Variants in VXN observed in about 807,000 individuals in gnomAD.
VXN encodes uncharacterized protein C8orf46.
A neutral mutation model predicts 23.1 loss-of-function variants in VXN; 7 were observed. That is an observed-to-expected ratio of 0.30 (90% CI 0.17 to 0.57). VXN has a LOEUF of 0.57. VXN is among the 20% of genes least tolerant of loss of function. The pLI is 0.91. For synonymous variants in VXN, 120 were observed against 105.8 expected, an observed-to-expected ratio of 1.13 and a Z score of -0.83; for missense variants, 238 against 272.6, an observed-to-expected ratio of 0.87 and a Z score of 0.89.
intron 5 of VXN, 135 bp from the exon 6 acceptor site, chr8:66,515,758 C>A (rs1807880196): frequency 6.7e-6 from 5 of 741,274 alleles, no homozygotes; most frequent in East Asian, 2.8e-5. Flanking sequence ...CCAACAGTGA[C>A]CTTACAGCTA....
intron 2 of VXN, chr8:66,501,255 A>G (rs1807689032): frequency 6.6e-6 from 1 of 152,162 alleles, no homozygotes; most frequent in South Asian, 2.1e-4. Context: ...CACAGTGGCC[A>G]TGCTAATCTT....
rs1563510201 is a variant in VXN, at chr8:66,515,150, C to CA, written c.441-743_441-742insA. ...AGCTGTTGCTGGCTGCTGGTGTAAA[C>CA]CAGCAAAAATTTCACTGTGCCATGA... On this transcript the variant is annotated intron_variant, in intron 5 of 5. Coordinates refer to ENST00000305454, the MANE Select transcript of VXN (RefSeq NM_152765.4). Among the ~76,000 whole-genome samples the CA allele has an allele frequency of 6.6e-5, 10 of 152,310 alleles. 1 individual carries two copies. In the East Asian group the frequency reaches 1.9e-3, roughly 29 times the overall value.
chr8:66,505,437 C>T lies in VXN; in HGVS notation c.189C>T (p.Asp63=). 11 of 1,576,752 alleles carry T rather than the reference C, an allele frequency of 7.0e-6. No individual in the cohort carries two copies. The highest frequency in any genetic ancestry group is 1.3e-5 in the African/African-American group (1 of 74,552). Reference sequence around the variant, plus strand: ...TGGAGCTGCTGCCCCACCGCGGAGACCGCAGGGACCCTGGCGACCGCCGCA... The same window carrying T: ...TGGAGCTGCTGCCCCACCGCGGAGATCGCAGGGACCCTGGCGACCGCCGCA... ...QPLELLPHRG[D]RRDPGDRRRF... Residue 63 remains aspartate (D), a synonymous_variant, in exon 3 of 6, where the codon GAC becomes GAT. Transcript: ENST00000305454.
chr8:66,512,221 G>A (rs1266017230), intron 4 of VXN, among the ~76,000 whole-genome samples: 2 of 152,202 alleles, frequency 1.3e-5, no homozygotes, highest in African/African-American at 4.8e-5. Flanking sequence ...CTAAATCCAA[G>A]TCCGTGCAAA....
chr8:66,509,075 G>T (rs1028346241), intron 3 of VXN, among the ~76,000 whole-genome samples: 1 of 152,220 alleles, frequency 6.6e-6, no homozygotes, highest in Non-Finnish European at 1.5e-5. Context: ...AGTGCCTGGC[G>T]TACAGACAAA....
At chr8:66,503,068 G>A (rs570559339) in intron 2 of VXN, among the ~76,000 whole-genome samples, 1 of 152,172 alleles carries the variant, frequency 6.6e-6, no homozygotes, top group East Asian at 1.9e-4. Flanking sequence ...GGCTGGTCTT[G>A]AACTCCTGGG....
intron 1 of VXN, among the ~76,000 whole-genome samples, chr8:66,494,387 C>T (rs1031930193): frequency 1.3e-5 from 2 of 152,158 alleles, no homozygotes; most frequent in South Asian, 2.1e-4. Flanking sequence ...GTCCCCTCAG[C>T]CTCTCCTAAG....
Position 66,514,650 on chromosome 8 carries a change from A to T in VXN, c.440+1013A>T, listed in dbSNP as rs554720877. Among the ~76,000 whole-genome samples, 171 of 152,228 alleles carry T rather than the reference A, an allele frequency of 1.1e-3. 1 individual carries two copies. Among genetic ancestry groups the T allele is most frequent in the African/African-American group, 4.0e-3 (165 of 41,546 alleles). On this transcript the variant is annotated intron_variant, in intron 5 of 5. Transcript: ENST00000305454. Reference sequence around the variant, plus strand: ...TTGCCATGTTGGACAGGCTGGTCTCAAACTCCTGACCTCAAGTGATCCCCC... The same window carrying T: ...TTGCCATGTTGGACAGGCTGGTCTCTAACTCCTGACCTCAAGTGATCCCCC...
chr8:66,512,351 C>G (rs16932942), intron 4 of VXN, among the ~76,000 whole-genome samples: 6,463 of 152,262 alleles, frequency 0.042, 259 homozygotes, highest in East Asian at 0.16. Context: ...GAAGCGTTTG[C>G]ACGGACCACA....
rs1431567705 is a variant in VXN, at chr8:66,505,411, C to A, written c.163C>A (p.Leu55Met). The stretch of plus-strand genomic sequence containing the variant: ...GTCGGACCTGTACACGCACCAGCCC[C>A]TGGAGCTGCTGCCCCACCGCGGAGA... ...IESDLYTHQPLELLPHRGDRR... is the reference protein window; with the variant it reads ...IESDLYTHQPMELLPHRGDRR... The change falls in exon 3 of 6, where the codon CTG becomes ATG. Residue 55 changes from leucine (L) to methionine (M), a missense_variant. Physicochemically the swap from Leu to Met is conservative, Grantham distance 15. This residue lies in a region of VXN where 223 missense variants were observed against 236.9 expected (regional missense o/e 0.94). Coordinates refer to ENST00000305454, the MANE Select transcript of VXN (RefSeq NM_152765.4). 3.2e-6 allele frequency: 5 copies of A among 1,580,802 alleles called. No individual in the cohort carries two copies. The highest frequency in any genetic ancestry group is 4.3e-6 in the Non-Finnish European group (5 of 1,164,124).
At chr8:66,502,416 G>A (rs772286841) in intron 2 of VXN, among the ~76,000 whole-genome samples, 6 of 152,196 alleles carry the variant, frequency 3.9e-5, no homozygotes, top group African/African-American at 9.7e-5. Context: ...TTTCAAGCTT[G>A]TAAGGAGGAA....
rs1330442154 is a variant in VXN, at chr8:66,493,702, C to A, written c.54C>A (p.Thr18=). The A allele has an allele frequency of 6.2e-7, 1 of 1,613,010 alleles. No individual in the cohort carries two copies. The highest frequency in any genetic ancestry group is 8.5e-7 in the Non-Finnish European group (1 of 1,179,698). ...CSDENIEVFT[T]VIPSKVSSPA... is the part of the protein sequence containing the mutation. The stretch of plus-strand genomic sequence containing the variant: ...ACGAGAACATAGAAGTTTTCACCAC[C>A]GTGATTCCTTCCAAGGGTGAGTGAA... Residue 18 remains threonine, a synonymous_variant, in exon 1 of 6, where the codon ACC becomes ACA. Coordinates refer to ENST00000305454, the MANE Select transcript of VXN (RefSeq NM_152765.4).
At chr8:66,505,648 GA>G in intron 3 of VXN, 120 bp downstream of exon 3, 1 of 1,241,504 alleles carries the variant, frequency 8.1e-7, no homozygotes, top group South Asian at 1.8e-5. Flanking sequence ...CGCGCCAGGT[GA>G]CCAAGCACCT....
At position 66,515,976 on chromosome 8, in the gene VXN, C is replaced by T. The variant is rs777769380; in HGVS notation, c.524C>T (p.Ala175Val). 2 of 1,613,934 alleles carry T rather than the reference C, an allele frequency of 1.2e-6. No individual in the cohort carries two copies. The highest frequency in any genetic ancestry group is 2.2e-5 in the South Asian group (2 of 91,072). Residue 175 changes from alanine to valine, a missense_variant, in exon 6 of 6, where the codon GCT becomes GTT. Ala to Val is a moderately conservative substitution (Grantham distance 64). Coordinates refer to ENST00000305454, the MANE Select transcript of VXN (RefSeq NM_152765.4). ...AEASLPLTGS[A>V]SCGVPGILRK... ...GCCTCTCTACCACTGACAGGCAGTGCTTCCTGCGGCGTCCCCGGCATCCTC... is the reference window on the plus strand; with the variant it reads ...GCCTCTCTACCACTGACAGGCAGTGTTTCCTGCGGCGTCCCCGGCATCCTC...
rs1807836182 is a variant in VXN, at chr8:66,512,492, G to A, written c.343-1048G>A. 2.0e-5 allele frequency among the ~76,000 whole-genome samples: 3 copies of A among 152,274 alleles called. No individual in the cohort carries two copies. The South Asian group carries it at 6.2e-4, about 32-fold the overall frequency. On this transcript the variant is annotated intron_variant, in intron 4 of 5. Coordinates refer to ENST00000305454, the MANE Select transcript of VXN (RefSeq NM_152765.4). ...CTTGAAGCCTTGGATAGGGCTTAGG[G>A]GGAAGAACACAGCACAGAGTGTGTC...
intron 2 of VXN, among the ~76,000 whole-genome samples, chr8:66,497,048 C>T (rs1807635244): frequency 6.6e-6 from 1 of 152,136 alleles, no homozygotes; most frequent in Non-Finnish European, 1.5e-5. Context: ...GCACGCCTGG[C>T]TAATTTTTTG....
intron 3 of VXN, among the ~76,000 whole-genome samples, chr8:66,507,942 A>T (rs766309354): frequency 6.6e-6 from 1 of 152,140 alleles, no homozygotes; most frequent in Non-Finnish European, 1.5e-5. Flanking sequence ...TGGGAGAAAG[A>T]TGCTCTGGGG....
rs550028544 is a variant in VXN at position 66,506,880 on chromosome 8, C to T, written c.280+1352C>T. Among the ~76,000 whole-genome samples the T allele has an allele frequency of 2.3e-3, 258 of 110,636 alleles. 1 individual carries two copies. The Middle Eastern group carries it at 0.044, about 19-fold the overall frequency. The allele number at this position is 110,636 out of a possible 152,430, so 72.6% of individuals were successfully genotyped here. On this transcript the variant is annotated intron_variant, in intron 3 of 5. Coordinates refer to ENST00000305454, the MANE Select transcript of VXN (RefSeq NM_152765.4). The stretch of plus-strand genomic sequence containing the variant: ...CCACAATCTGCCTTGCAAATTAAGA[C>T]GAGATAGATTTTTCTCTGTGTCTAT...
chr8:66,496,375 C>T lies in VXN; in HGVS notation c.71-62C>T, dbSNP rs2130540400. 7 of 1,489,468 alleles carry T rather than the reference C, an allele frequency of 4.7e-6. No homozygotes were observed. The East Asian group carries it at 1.6e-4, about 34-fold the overall frequency. The allele number at this position is 1,489,468 out of a possible 1,614,324, so 92.3% of individuals were successfully genotyped here. A position where few individuals can be genotyped will look rare whatever the true frequency, so the allele number is the denominator to read the frequency against. On this transcript the variant is annotated intron_variant, in intron 1 of 5. Transcript: ENST00000305454. ...GATTCAAACCTTCTCAGTGTTGTTA[C>T]TGTAGCTATGTCAGCCTCGCTGATG...
Sources: allele counts gnomAD v4.1 joint callset (sites outside exome capture counted in the v4.1 genomes callset), GRCh38; gene constraint gnomAD v4.1.1; regional missense constraint gnomAD v4.1.1; transcripts MANE v1.5; gene names NCBI Gene and HGNC (gene_info 2026-07-23, HGNC 2026-07-21).